Variants in SNTB1 observed in about 807,000 individuals in gnomAD.
The protein encoded by SNTB1 is syntrophin beta 1.
Under a neutral mutation model 48.9 loss-of-function variants are expected in SNTB1, and 36 were observed. That is an observed-to-expected ratio of 0.74 (90% CI 0.56 to 0.97). SNTB1 has a LOEUF of 0.97. SNTB1 is among the 50% of genes least tolerant of loss of function. SNTB1 has a pLI of 0.00. For missense variants in SNTB1, 786 were observed against 703.4 expected (o/e 1.12, Z -1.33); for synonymous variants, 299 against 294.6 (o/e 1.01, Z -0.15).
At chr8:120,728,729 C>T (rs1233529174) in intron 1 of SNTB1, among the ~76,000 whole-genome samples, 1 of 152,138 alleles carries the variant, frequency 6.6e-6, no homozygotes, top group East Asian at 1.9e-4. Flanking sequence ...TTTTCTTTAT[C>T]CTGTCCACCG....
intron 1 of SNTB1, among the ~76,000 whole-genome samples, chr8:120,701,646 G>A (rs1818310868): frequency 6.6e-6 from 1 of 152,172 alleles, no homozygotes; most frequent in Non-Finnish European, 1.5e-5. Flanking sequence ...ATGTTCTCAA[G>A]TTACTTTTTC....
At chr8:120,801,684 C>T (rs1200097292) in intron 1 of SNTB1, among the ~76,000 whole-genome samples, 1 of 151,960 alleles carries the variant, frequency 6.6e-6, no homozygotes, top group African/African-American at 2.4e-5. Context: ...TTGAGAATGT[C>T]CTTGAAAATT....
intron 1 of SNTB1, among the ~76,000 whole-genome samples, chr8:120,764,289 C>T (rs1273144481): frequency 6.6e-6 from 1 of 152,120 alleles, no homozygotes; most frequent in East Asian, 1.9e-4. Context: ...TCAAGTATGA[C>T]TTGGAAAGAT....
chr8:120,675,149 T>A (rs1817814007), intron 2 of SNTB1, among the ~76,000 whole-genome samples: 1 of 152,226 alleles, frequency 6.6e-6, no homozygotes, highest in Admixed American at 6.5e-5. Context: ...CTGGGACCTC[T>A]GGGTTACAAT....
intron 3 of SNTB1, among the ~76,000 whole-genome samples, chr8:120,621,552 G>A (rs1005032740): frequency 4.6e-5 from 7 of 152,188 alleles, no homozygotes; most frequent in Admixed American, 2.6e-4. Flanking sequence ...GTAGGTTGGT[G>A]CAAAAGTAAT....
intron 5 of SNTB1, among the ~76,000 whole-genome samples, chr8:120,542,850 T>G (rs903273530): frequency 1.9e-4 from 29 of 152,258 alleles, no homozygotes; most frequent in African/African-American, 7.0e-4. Context: ...AGTCTATTTT[T>G]TAATAGTATA....
rs1454515533 is a variant in SNTB1 at position 120,811,802 on chromosome 8, G to T, written c.42C>A (p.Gly14=). The change falls in exon 1 of 7, where the codon GGC becomes GGA. Residue 14 remains glycine, a synonymous_variant. Transcript: ENST00000517992. Reference sequence around the variant, plus strand: ...TCCGCTGCGCCCGGCCGCCTCCCGCGCCAGCCGGCCCAGCCGCCGCCGCCG... The same window carrying T: ...TCCGCTGCGCCCGGCCGCCTCCCGCTCCAGCCGGCCCAGCCGCCGCCGCCG... ...AAAAAAAGPA[G]AGGGRAQRSG... 7 of 1,401,962 alleles carry T rather than the reference G, an allele frequency of 5.0e-6. No individual in the cohort carries two copies. In the African/African-American group the frequency reaches 9.0e-5, roughly 18 times the overall value. The allele number at this position is 1,401,962 out of a possible 1,614,324, so 86.8% of individuals were successfully genotyped here. A position where few individuals can be genotyped will look rare whatever the true frequency, so the allele number is the denominator to read the frequency against.
intron 4 of SNTB1, among the ~76,000 whole-genome samples, chr8:120,568,222 C>T (rs1175840761): frequency 6.6e-6 from 1 of 152,150 alleles, no homozygotes; most frequent in Non-Finnish European, 1.5e-5. Flanking sequence ...CAGAGAGCCA[C>T]CTTTATCCAC....
chr8:120,791,607 A>G (rs571843257), intron 1 of SNTB1, among the ~76,000 whole-genome samples: 6 of 152,052 alleles, frequency 3.9e-5, no homozygotes, highest in Non-Finnish European at 7.4e-5. Flanking sequence ...AAAAAATCCA[A>G]ATAATCCCAT....
chr8:120,573,048 G>A (rs1315919828), intron 4 of SNTB1, among the ~76,000 whole-genome samples: 1 of 152,140 alleles, frequency 6.6e-6, no homozygotes, highest in Admixed American at 6.5e-5. Flanking sequence ...CCCAGAAGTG[G>A]GATTGCTAGC....
intron 1 of SNTB1, among the ~76,000 whole-genome samples, chr8:120,736,539 G>T (rs191154206): frequency 7.9e-5 from 12 of 152,314 alleles, no homozygotes; most frequent in Admixed American, 4.6e-4. Context: ...AAAGCTTCAG[G>T]TGCTGGAAAT....
intron 1 of SNTB1, among the ~76,000 whole-genome samples, chr8:120,753,386 G>A (rs1428740860): frequency 6.6e-6 from 1 of 152,054 alleles, no homozygotes; most frequent in Non-Finnish European, 1.5e-5. Context: ...TCCCAGACTT[G>A]TAACCCCATC....
intron 1 of SNTB1, among the ~76,000 whole-genome samples, chr8:120,755,894 T>C (rs998100929): frequency 6.6e-6 from 1 of 152,122 alleles, no homozygotes; most frequent in Non-Finnish European, 1.5e-5. Flanking sequence ...GGATAAGAAG[T>C]CTCGAAGATG....
chr8:120,655,372 A>C (rs184397855), intron 2 of SNTB1, among the ~76,000 whole-genome samples: 1 of 152,350 alleles, frequency 6.6e-6, no homozygotes, highest in African/African-American at 2.4e-5. Flanking sequence ...ATTTGTAATA[A>C]GGATAAGTAC....
At chr8:120,601,572 T>C (rs147894485) in intron 3 of SNTB1, among the ~76,000 whole-genome samples, 172 of 152,314 alleles carry the variant, frequency 1.1e-3, no homozygotes, top group Middle Eastern at 3.4e-3. Context: ...TAATGTGTAT[T>C]GGAGACAACT....
chr8:120,542,189 C>T, intron 5 of SNTB1, 189 bp from the exon 6 acceptor site: 1 of 541,266 alleles, frequency 1.8e-6, no homozygotes, highest in Admixed American at 3.4e-5. Flanking sequence ...TTTTAAAAGC[C>T]CCATAGAACT....
chr8:120,662,566 G>A (rs1817607111), intron 2 of SNTB1, among the ~76,000 whole-genome samples: 1 of 152,136 alleles, frequency 6.6e-6, no homozygotes, highest in South Asian at 2.1e-4. Context: ...GGAGGAGCAG[G>A]CAGTGGAGAG....
intron 1 of SNTB1, among the ~76,000 whole-genome samples, chr8:120,758,189 T>C (rs944239742): frequency 1.2e-4 from 19 of 152,216 alleles, no homozygotes; most frequent in African/African-American, 4.3e-4. Context: ...TTATTTATAT[T>C]CACTCTTGAA....
intron 4 of SNTB1, among the ~76,000 whole-genome samples, chr8:120,560,943 C>T (rs1257844346): frequency 6.6e-6 from 1 of 152,010 alleles, no homozygotes; most frequent in Non-Finnish European, 1.5e-5. Context: ...AATTTGAACC[C>T]ACGGCTATAT....
Sources: allele counts gnomAD v4.1 joint callset (sites outside exome capture counted in the v4.1 genomes callset), GRCh38; gene constraint gnomAD v4.1.1; transcripts MANE v1.5; gene names NCBI Gene and HGNC (gene_info 2026-07-23, HGNC 2026-07-21).